The following ADAM12 variants were observed in gnomAD, a reference collection of about 807,000 sequenced individuals.
ADAM12 encodes ADAM metallopeptidase domain 12, also known as disintegrin and metalloproteinase domain-containing protein 12.
In ADAM12, 70 loss-of-function variants were observed where a neutral mutation model predicts 106.4. The observed-to-expected ratio is 0.66, with a 90% CI of 0.54 to 0.80. The LOEUF is 0.80. Ranked by LOEUF, ADAM12 falls within the 30% of genes least tolerant of loss-of-function variation. The probability of loss-of-function intolerance (pLI) is 0.00; values close to 1 mark genes in which losing one functional copy is unlikely to be tolerated. For missense variants in ADAM12, 1,010 were observed against 1,171.9 expected (o/e 0.86, Z 2.02); for synonymous variants, 420 against 433.5 (o/e 0.97, Z 0.39).
At chr10:126,090,019 G>A (rs1275180044) in intron 11 of ADAM12, among the ~76,000 whole-genome samples, 2 of 151,978 alleles carry the variant, frequency 1.3e-5, no homozygotes, top group Non-Finnish European at 2.9e-5. Flanking sequence ...TGAACTCCTG[G>A]CCTCAAGCAA....
At chr10:126,076,387 C>T (rs117822766) in intron 11 of ADAM12, among the ~76,000 whole-genome samples, 3,969 of 152,228 alleles carry the variant, frequency 0.026, 62 homozygotes, top group Middle Eastern at 0.068. Flanking sequence ...TATGAGGGCA[C>T]GTGTCTTTTT....
chr10:126,130,206 A>G (rs1434557734), intron 5 of ADAM12, among the ~76,000 whole-genome samples: 1 of 149,954 alleles, frequency 6.7e-6, no homozygotes, highest in Admixed American at 6.6e-5. Context: ...TTTTCCTTTT[A>G]CTTCCAGTCT....
intron 18 of ADAM12, 138 bp downstream of exon 18, chr10:126,042,902 C>T (rs1954213091): frequency 1.4e-6 from 1 of 739,500 alleles, no homozygotes; most frequent in Admixed American, 2.7e-5. Context: ...CTGCGGGAGA[C>T]CCTAGGCTGT....
At chr10:126,380,506 G>A (rs1169558402) in intron 1 of ADAM12, among the ~76,000 whole-genome samples, 1 of 152,184 alleles carries the variant, frequency 6.6e-6, no homozygotes. Context: ...TAGAATGAGG[G>A]TACTAACAGG....
intron 2 of ADAM12, among the ~76,000 whole-genome samples, chr10:126,300,821 A>G (rs896168932): frequency 6.6e-6 from 1 of 152,234 alleles, no homozygotes; most frequent in African/African-American, 2.4e-5. Flanking sequence ...ATGTCCACAG[A>G]TTAACATTGC....
intron 2 of ADAM12, among the ~76,000 whole-genome samples, chr10:126,299,006 A>G (rs1402369705): frequency 6.6e-6 from 1 of 152,214 alleles, no homozygotes; most frequent in Non-Finnish European, 1.5e-5. Context: ...AAGAAATACT[A>G]AGGACTTTTC....
Position 126,039,445 on chromosome 10 carries a change from T to C in ADAM12, c.2105-16A>G. 2 of 1,613,686 alleles carry C rather than the reference T, an allele frequency of 1.2e-6. No individual in the cohort carries two copies. The highest frequency in any genetic ancestry group is 1.7e-6 in the Non-Finnish European group (2 of 1,179,734). On this transcript the variant is annotated splice_polypyrimidine_tract_variant and intron_variant, in intron 18 of 22. Transcript: ENST00000448723. ...CCTTGGTTATCTGAAACAAAACACA[T>C]GGGGCTCACAGAAGGAGGCAGTTAC... is the stretch of plus-strand genomic sequence containing the variant.
At chr10:126,178,093 G>A (rs1957250770) in intron 3 of ADAM12, among the ~76,000 whole-genome samples, 1 of 152,112 alleles carries the variant, frequency 6.6e-6, no homozygotes, top group African/African-American at 2.4e-5. Context: ...GAAAATGGCT[G>A]TGTCAATATC....
At chr10:126,264,981 A>G (rs1959070227) in intron 3 of ADAM12, among the ~76,000 whole-genome samples, 1 of 152,206 alleles carries the variant, frequency 6.6e-6, no homozygotes, top group African/African-American at 2.4e-5. Context: ...CACTCTAAAT[A>G]AAAAGATTTG....
At chr10:126,048,628 TC>T (rs1685680782) in intron 16 of ADAM12, among the ~76,000 whole-genome samples, 1 of 151,646 alleles carries the variant, frequency 6.6e-6, no homozygotes, top group Non-Finnish European at 1.5e-5. Context: ...AACATTGTAT[TC>T]GCTTGCTGTC....
chr10:126,088,799 C>G (rs1403252714), intron 11 of ADAM12, among the ~76,000 whole-genome samples: 1 of 151,782 alleles, frequency 6.6e-6, no homozygotes, highest in African/African-American at 2.4e-5. Context: ...GTTCCGTGTC[C>G]AGGCAGGTGT....
At chr10:126,099,153 G>A (rs1300829947) in intron 9 of ADAM12, among the ~76,000 whole-genome samples, 1 of 152,060 alleles carries the variant, frequency 6.6e-6, no homozygotes, top group Non-Finnish European at 1.5e-5. Context: ...TGACACCAAG[G>A]GCCTGTTGAA....
At chr10:126,094,487 T>C (rs1590400357) in intron 10 of ADAM12, among the ~76,000 whole-genome samples, 2 of 152,170 alleles carry the variant, frequency 1.3e-5, no homozygotes, top group African/African-American at 2.4e-5. Context: ...TCCTGCATCA[T>C]AGGAAAAGCT....
At chr10:126,155,683 C>T (rs987419564) in intron 3 of ADAM12, among the ~76,000 whole-genome samples, 3 of 152,332 alleles carry the variant, frequency 2.0e-5, no homozygotes, top group Non-Finnish European at 2.9e-5. Flanking sequence ...TTGGGAAAAT[C>T]TCCTGCTTGG....
chr10:126,317,267 G>A (rs2133827234), intron 2 of ADAM12, among the ~76,000 whole-genome samples: 1 of 152,292 alleles, frequency 6.6e-6, no homozygotes, highest in African/African-American at 2.4e-5. Context: ...TGGCTCCCAT[G>A]GAAACGGGAA....
Position 126,305,853 on chromosome 10 carries a change from C to T in ADAM12, c.186+24559G>A, listed in dbSNP as rs575906802. ...TCTCATCAAACTTCCTGTCTTAAAT[C>T]GACTATATTTAATATTGTTACAGCT... On this transcript the variant is annotated intron_variant, in intron 2 of 22. Coordinates refer to ENST00000448723, the MANE Select transcript of ADAM12 (RefSeq NM_001288973.2). Among the ~76,000 whole-genome samples the T allele has an allele frequency of 9.9e-5, 15 of 151,992 alleles. No homozygotes were observed. In the East Asian group the frequency reaches 2.1e-3, roughly 22 times the overall value.
intron 6 of ADAM12, among the ~76,000 whole-genome samples, chr10:126,112,095 A>G (rs1955880227): frequency 6.6e-6 from 1 of 152,186 alleles, no homozygotes; most frequent in African/African-American, 2.4e-5. Context: ...TGTCCTTTGC[A>G]GGGACATGGA....
chr10:126,187,182 C>T (rs1459789724), intron 3 of ADAM12, among the ~76,000 whole-genome samples: 2 of 152,126 alleles, frequency 1.3e-5, no homozygotes, highest in South Asian at 2.1e-4. Flanking sequence ...ATCAGTAAAA[C>T]TTTCATACTT....
At chr10:126,177,573 T>C (rs1957241749) in intron 3 of ADAM12, among the ~76,000 whole-genome samples, 1 of 152,198 alleles carries the variant, frequency 6.6e-6, no homozygotes, top group African/African-American at 2.4e-5. Context: ...CTACTGAAGA[T>C]TTGTGACGAT....
Sources: allele counts gnomAD v4.1 joint callset (sites outside exome capture counted in the v4.1 genomes callset), GRCh38; gene constraint gnomAD v4.1.1; transcripts MANE v1.5; gene names NCBI Gene and HGNC (gene_info 2026-07-23, HGNC 2026-07-21).